MEF2A: variants seen among roughly 807,000 people sequenced by gnomAD.
MEF2A encodes the protein myocyte enhancer factor 2A.
A neutral mutation model predicts 55.8 loss-of-function variants in MEF2A; 28 were observed. The ratio of observed to expected loss-of-function variants is 0.50; its 90% CI spans 0.37 to 0.69. The LOEUF is 0.69. Among genes scored for constraint, MEF2A ranks in the 30% least tolerant of loss-of-function variants. The pLI is 0.00. For synonymous variants in MEF2A, 239 were observed against 227.1 expected (o/e 1.05, Z -0.47); for missense variants, 528 against 626.2 (o/e 0.84, Z 1.67).
intron 1 of MEF2A, among the ~76,000 whole-genome samples, chr15:99,575,600 A>G (rs948350325): frequency 6.6e-6 from 1 of 152,214 alleles, no homozygotes; most frequent in Non-Finnish European, 1.5e-5. Context: ...TACAAAAGGT[A>G]TCATAGTCCC....
At chr15:99,631,159 G>A (rs758532788) in intron 2 of MEF2A, among the ~76,000 whole-genome samples, 1 of 152,120 alleles carries the variant, frequency 6.6e-6, no homozygotes, top group African/African-American at 2.4e-5. Flanking sequence ...AATATGTTCT[G>A]GAATTAAGAA....
In MEF2A at chr15:99,713,768, T is replaced by A. The variant is rs527593600; in HGVS notation, c.*997T>A. The A allele has an allele frequency of 6.6e-6, 1 of 152,058 alleles. No homozygotes were observed. Among genetic ancestry groups the A allele is most frequent in the Non-Finnish European group, 1.5e-5 (1 of 68,006 alleles). 9.4% of individuals were successfully genotyped at this position (152,058 alleles called of 1,614,324 possible). On this transcript the variant is annotated 3_prime_UTR_variant, in exon 12 of 12. Coordinates refer to ENST00000557942, the MANE Select transcript of MEF2A (RefSeq NM_001319206.4). ...ATTTTAAGAGGGGAAAACAAAAATA[T>A]CTTGCAAGCAGAACCTTGGAAAAAA...
chr15:99,656,041 A>C (rs2047657733), intron 4 of MEF2A, among the ~76,000 whole-genome samples: 1 of 152,114 alleles, frequency 6.6e-6, no homozygotes, highest in Non-Finnish European at 1.5e-5. Context: ...TGACCTATAA[A>C]ATGGAACTAA....
At position 99,698,792 on chromosome 15, in the gene MEF2A, C is replaced by CA. The variant is rs555279717; in HGVS notation, c.859-4559dup. Among the ~76,000 whole-genome samples, 798 of 137,362 alleles carry CA rather than the reference C, an allele frequency of 5.8e-3. 4 individuals are homozygous for CA. Among genetic ancestry groups the CA allele is most frequent in the African/African-American group, 0.014 (536 of 37,382 alleles). 90.1% of individuals were successfully genotyped at this position (137,362 alleles called of 152,430 possible). A position where few individuals can be genotyped will look rare whatever the true frequency, so the allele number is the denominator to read the frequency against. ...GGGCAACAAGAGTGAAACTCTGTCT[C>CA]AAAAAAAAAAACAAAAACGCAAAAA... On this transcript the variant is annotated intron_variant, in intron 8 of 11. Transcript: ENST00000557942.
chr15:99,629,840 T>A (rs2153385573), intron 2 of MEF2A, among the ~76,000 whole-genome samples: 1 of 152,072 alleles, frequency 6.6e-6, no homozygotes, highest in African/African-American at 2.4e-5. Flanking sequence ...CTTGGGAGGC[T>A]GAGGCAGGAG....
intron 2 of MEF2A, among the ~76,000 whole-genome samples, chr15:99,627,589 T>C (rs921949945): frequency 7.9e-5 from 12 of 152,184 alleles, no homozygotes; most frequent in African/African-American, 2.9e-4. Flanking sequence ...CAAACTGGTA[T>C]ATGTGAAAAG....
At chr15:99,565,897 A>G (rs530001049), upstream of MEF2A, 1 of 153,010 alleles carries the variant, frequency 6.5e-6, no homozygotes, top group African/African-American at 2.4e-5. Context: ...AGGGACACCG[A>G]GGCGGCGGAG....
At chr15:99,613,816 T>TA in intron 2 of MEF2A, among the ~76,000 whole-genome samples, 1 of 152,300 alleles carries the variant, frequency 6.6e-6, no homozygotes, top group African/African-American at 2.4e-5. Context: ...TATTGACATG[T>TA]AGTGGTCCTT....
intron 3 of MEF2A, among the ~76,000 whole-genome samples, chr15:99,636,084 G>C (rs1410842421): frequency 6.6e-6 from 1 of 152,074 alleles, no homozygotes; most frequent in African/African-American, 2.4e-5. Flanking sequence ...TTTCATTTTA[G>C]TCATTCTGGT....
At chr15:99,632,927 T>C in intron 2 of MEF2A, 51 bp from the exon 3 acceptor site, 1 of 487,698 alleles carries the variant, frequency 2.1e-6, no homozygotes, top group Non-Finnish European at 3.7e-6. Flanking sequence ...AACACTTACA[T>C]GATTTGTAAA....
chr15:99,584,678 T>C (rs532104908), intron 1 of MEF2A, among the ~76,000 whole-genome samples: 70 of 152,186 alleles, frequency 4.6e-4, no homozygotes, highest in African/African-American at 1.6e-3. Flanking sequence ...GACTGAGCCA[T>C]AGGGGGCTGG....
chr15:99,580,124 T>C (rs1352346311), intron 1 of MEF2A, among the ~76,000 whole-genome samples: 1 of 152,150 alleles, frequency 6.6e-6, no homozygotes, highest in African/African-American at 2.4e-5. Context: ...TTAGGTCCCA[T>C]TGCTAGCCTC....
At chr15:99,597,263 G>A (rs1454280965) in intron 1 of MEF2A, among the ~76,000 whole-genome samples, 3 of 152,126 alleles carry the variant, frequency 2.0e-5, no homozygotes, top group Admixed American at 6.5e-5. Context: ...AAGAGAATGC[G>A]CACCTGGGGG....
intron 3 of MEF2A, among the ~76,000 whole-genome samples, chr15:99,643,319 A>G (rs1207213936): frequency 6.6e-6 from 1 of 152,190 alleles, no homozygotes; most frequent in Non-Finnish European, 1.5e-5. Flanking sequence ...ATGACAACCA[A>G]AAACTTACTT....
At chr15:99,622,601 C>G (rs1243488490) in intron 2 of MEF2A, among the ~76,000 whole-genome samples, 1 of 151,868 alleles carries the variant, frequency 6.6e-6, no homozygotes, top group Non-Finnish European at 1.5e-5. Context: ...TAGAATTTAC[C>G]ACTTTAACCC....
rs1020821508 is a variant in MEF2A, at chr15:99,690,247, G to A, written c.677G>A (p.Gly226Glu). ...ATGATATTTTTCCCCCCAGGGAATG[G>A]ATTTGTAAACTCAAGAGCTTCTCCA... Reference protein sequence around the residue: ...NGAGSSPVGNGFVNSRASPNL... With the variant: ...NGAGSSPVGNEFVNSRASPNL... The change falls in exon 8 of 12, where the codon GGA becomes GAA. Residue 226 changes from glycine to glutamate, a missense_variant. Around this residue, in one of 2 missense-constraint regions of MEF2A, gnomAD observed 450 missense variants for 475.3 expected, o/e 0.95. Transcript: ENST00000557942. 1 of 1,613,254 alleles carries A rather than the reference G, an allele frequency of 6.2e-7. No individual in the cohort carries two copies. Among genetic ancestry groups the A allele is most frequent in the Non-Finnish European group, 8.5e-7 (1 of 1,179,550 alleles).
chr15:99,687,084 CT>C (rs71149484), intron 7 of MEF2A, among the ~76,000 whole-genome samples: 147 of 67,748 alleles, frequency 2.2e-3, no homozygotes, highest in Middle Eastern at 0.013. Context: ...ATTAATTTTT[CT>C]TTTTTTTTTT....
At chr15:99,627,098 TG>T (rs988720690) in intron 2 of MEF2A, among the ~76,000 whole-genome samples, 13 of 152,164 alleles carry the variant, frequency 8.5e-5, no homozygotes, top group African/African-American at 2.9e-4. Context: ...GGTCAGATTT[TG>T]CAACAAAATG....
chr15:99,647,891 A>G (rs2046235464), intron 4 of MEF2A, among the ~76,000 whole-genome samples: 1 of 152,156 alleles, frequency 6.6e-6, no homozygotes, highest in Admixed American at 6.5e-5. Flanking sequence ...TTGTATATTA[A>G]TGTCTTACTG....
Sources: allele counts gnomAD v4.1 joint callset (sites outside exome capture counted in the v4.1 genomes callset), GRCh38; gene constraint gnomAD v4.1.1; regional missense constraint gnomAD v4.1.1; transcripts MANE v1.5; gene names NCBI Gene and HGNC (gene_info 2026-07-23, HGNC 2026-07-21).